ANKDD1B: variants seen among roughly 807,000 people sequenced by gnomAD.
ANKDD1B encodes ankyrin repeat and death domain containing 1B.
In ANKDD1B, 57 loss-of-function variants were observed where a neutral mutation model predicts 59.7. The observed-to-expected ratio is 0.95, with a 90% confidence interval of 0.77 to 1.19. The LOEUF is 1.19. ANKDD1B is among the 50% of genes most tolerant of loss of function. The pLI is 0.00. For synonymous variants in ANKDD1B, 216 were observed against 239.5 expected, an observed-to-expected ratio of 0.90 and a Z score of 0.91; for missense variants, 602 against 641.9, an observed-to-expected ratio of 0.94 and a Z score of 0.67.
chr5:75,653,672 C>T (rs573750393), intron 8 of ANKDD1B, among the ~76,000 whole-genome samples: 14 of 152,216 alleles, frequency 9.2e-5, no homozygotes, highest in South Asian at 2.1e-4. Context: ...GGTTTTCTGA[C>T]GTTTGAATTG....
chr5:75,670,642 A>G (rs1253044205), intron 13 of ANKDD1B, among the ~76,000 whole-genome samples: 1 of 152,190 alleles, frequency 6.6e-6, no homozygotes, highest in Non-Finnish European at 1.5e-5. Context: ...TTTTTTCTAA[A>G]TGGGAAAAGG....
Position 75,663,477 on chromosome 5 carries a change from C to G in ANKDD1B, c.1179C>G (p.Tyr393Ter). The change falls in exon 11 of 14, where the codon TAC (tyrosine) becomes TAG (stop). Residue 393 changes from tyrosine (Y) to a stop codon, truncating the protein, a stop_gained. Coordinates refer to ENST00000601380, the MANE Select transcript of ANKDD1B (RefSeq NM_001276713.2). LOFTEE classifies it high-confidence loss of function. The part of the protein sequence containing the change: ...VGMLIKAERY[Y>*]AWREEHHESI... ...TGCTCATTAAAGCAGAGAGATACTACGCCTGGAGAGAGGTAAGGAAGGACG... is the reference window on the plus strand; with the variant it reads ...TGCTCATTAAAGCAGAGAGATACTAGGCCTGGAGAGAGGTAAGGAAGGACG... 1 of 1,536,284 alleles carries G rather than the reference C, an allele frequency of 6.5e-7. No individual in the cohort carries two copies. Among genetic ancestry groups the G allele is most frequent in the Non-Finnish European group, 8.7e-7 (1 of 1,146,832 alleles).
At chr5:75,669,112 G>A in intron 12 of ANKDD1B, 140 bp from the exon 13 acceptor site, 1 of 774,696 alleles carries the variant, frequency 1.3e-6, no homozygotes, top group Non-Finnish European at 1.7e-6. Context: ...GCAGCACAGC[G>A]AGGGCAACTG....
intron 7 of ANKDD1B, among the ~76,000 whole-genome samples, chr5:75,650,632 A>G (rs750775642): frequency 2.6e-5 from 4 of 152,216 alleles, no homozygotes; most frequent in Admixed American, 1.3e-4. Context: ...AGAGGCCCGT[A>G]CTTGACAGGC....
At chr5:75,654,953 C>T (rs1774929104) in intron 8 of ANKDD1B, among the ~76,000 whole-genome samples, 1 of 152,178 alleles carries the variant, frequency 6.6e-6, no homozygotes, top group Admixed American at 6.5e-5. Flanking sequence ...CCGCCTCCCT[C>T]CCTTATCATG....
At chr5:75,664,505 C>T (rs1775257074) in intron 11 of ANKDD1B, among the ~76,000 whole-genome samples, 1 of 152,160 alleles carries the variant, frequency 6.6e-6, no homozygotes, top group African/African-American at 2.4e-5. Flanking sequence ...CATCTCCTCC[C>T]TTTACCTCTT....
At chr5:75,621,443 C>T (rs1773846125) in intron 3 of ANKDD1B, among the ~76,000 whole-genome samples, 1 of 152,002 alleles carries the variant, frequency 6.6e-6, no homozygotes, top group Admixed American at 6.6e-5. Context: ...TTACAGAGTC[C>T]TCAGCTGTTC....
chr5:75,650,929 A>C (rs1774813400), intron 7 of ANKDD1B, among the ~76,000 whole-genome samples: 1 of 152,126 alleles, frequency 6.6e-6, no homozygotes, highest in South Asian at 2.1e-4. Flanking sequence ...AAGAGAGTAC[A>C]CTCACATGCC....
In ANKDD1B at chr5:75,659,554, T is replaced by C. The variant is rs1775064225; in HGVS notation, c.1095+173T>C. On this transcript the variant is annotated intron_variant, in intron 10 of 13. Transcript: ENST00000601380. ...CCCAATTTTGGTTGAGCTATGTCAG[T>C]AAAAATTTTTACTCTGAAGAAAAAA... 2.6e-5 allele frequency among the ~76,000 whole-genome samples: 4 copies of C among 152,224 alleles called. No homozygotes were observed. The South Asian group carries it at 8.3e-4, about 32-fold the overall frequency.
In ANKDD1B at chr5:75,635,956, G is replaced by A. The variant is rs545339314; in HGVS notation, c.798+74G>A. ...TGGAGGAATGGCTTTCAAGAAAAGA[G>A]TGGGAGGAAAACAAAGGTGTTAGTG... On this transcript the variant is annotated intron_variant, in intron 7 of 13. Coordinates refer to ENST00000601380, the MANE Select transcript of ANKDD1B (RefSeq NM_001276713.2). 1.7e-4 allele frequency: 164 copies of A among 943,468 alleles called. 1 individual carries two copies. The African/African-American group carries it at 2.3e-3, about 13-fold the overall frequency. The allele number at this position is 943,468 out of a possible 1,614,324, so 58.4% of individuals were successfully genotyped here.
chr5:75,615,018 T>C (rs1004201), intron 1 of ANKDD1B, among the ~76,000 whole-genome samples: 9,379 of 152,226 alleles, frequency 0.062, 860 homozygotes, highest in African/African-American at 0.2. Context: ...TAAAATTACT[T>C]AGTGTCAGGT....
chr5:75,648,652 T>G (rs554874976), intron 7 of ANKDD1B, among the ~76,000 whole-genome samples: 2 of 152,148 alleles, frequency 1.3e-5, no homozygotes, highest in Admixed American at 1.3e-4. Context: ...TTAGAATTTT[T>G]CCCGAGTTCA....
intron 7 of ANKDD1B, among the ~76,000 whole-genome samples, chr5:75,639,561 T>C (rs556564358): frequency 1.3e-5 from 2 of 152,290 alleles, no homozygotes; most frequent in South Asian, 4.1e-4. Flanking sequence ...GGAATATAAT[T>C]TTCCCACCTT....
intron 7 of ANKDD1B, 74 bp from the exon 8 acceptor site, chr5:75,653,068 C>A: frequency 1.0e-6 from 1 of 993,094 alleles, no homozygotes; most frequent in Non-Finnish European, 1.5e-6. Flanking sequence ...AACTGATTAC[C>A]ATGTCATAAA....
At chr5:75,670,913 T>C (rs1579987109) in intron 13 of ANKDD1B, 66 bp from the exon 14 acceptor site, 1 of 531,708 alleles carries the variant, frequency 1.9e-6, no homozygotes. Context: ...TGAATAATAG[T>C]GCCTGGTAGA....
intron 8 of ANKDD1B, among the ~76,000 whole-genome samples, chr5:75,654,126 C>G (rs1444279144): frequency 6.6e-6 from 1 of 152,228 alleles, no homozygotes; most frequent in African/African-American, 2.4e-5. Context: ...TCTGTCTGCT[C>G]TGACCCTTGC....
rs567363489 is a variant in ANKDD1B, at chr5:75,617,324, C to T, written c.297+417C>T. Among the ~76,000 whole-genome samples, 3 of 152,190 alleles carry T rather than the reference C, an allele frequency of 2.0e-5. No individual in the cohort carries two copies. In the East Asian group the frequency reaches 5.8e-4, roughly 29 times the overall value. On this transcript the variant is annotated intron_variant, in intron 2 of 13. Transcript: ENST00000601380. ...TGATGTCCTTTGTGGTTCTGTTTTTCCAAATTTAAAAATCTAAAGAGGCGT... is the reference window on the plus strand; with the variant it reads ...TGATGTCCTTTGTGGTTCTGTTTTTTCAAATTTAAAAATCTAAAGAGGCGT...
At chr5:75,622,045 C>T (rs1212387470) in intron 3 of ANKDD1B, among the ~76,000 whole-genome samples, 1 of 152,194 alleles carries the variant, frequency 6.6e-6, no homozygotes, top group Non-Finnish European at 1.5e-5. Flanking sequence ...CAACCAAGGT[C>T]ATGTTTGACC....
At chr5:75,639,075 G>A (rs986067583) in intron 7 of ANKDD1B, among the ~76,000 whole-genome samples, 9 of 152,156 alleles carry the variant, frequency 5.9e-5, no homozygotes, top group Non-Finnish European at 1.3e-4. Flanking sequence ...TTAAAGACAT[G>A]AATTGTTTCC....
Sources: gnomAD v4.1 joint callset for allele counts (sites outside exome capture counted in the v4.1 genomes callset) on GRCh38, gnomAD v4.1.1 for gene constraint, MANE v1.5 for transcripts, NCBI Gene and HGNC (gene_info 2026-07-23, HGNC 2026-07-21) for gene names.